The following GRB10 variants were observed in gnomAD, a reference collection of about 807,000 sequenced individuals.
The protein encoded by GRB10 is growth factor receptor bound protein 10, also known as growth factor receptor-bound protein 10.
A neutral mutation model predicts 80.9 loss-of-function variants in GRB10; 20 were observed. The ratio of observed to expected loss-of-function variants is 0.25; its 90% CI spans 0.17 to 0.36. The LOEUF is 0.36. GRB10 is among the 10% of genes least tolerant of loss of function. The pLI, the probability that GRB10 is intolerant of heterozygous loss-of-function variation, is 1.00. For missense variants in GRB10, 548 were observed against 747.7 expected (o/e 0.73, Z 3.12); for synonymous variants, 291 against 291.5 (o/e 1.00, Z 0.02).
At chr7:50,706,118 A>G (rs1352696327) in intron 4 of GRB10, among the ~76,000 whole-genome samples, 1 of 152,194 alleles carries the variant, frequency 6.6e-6, no homozygotes, top group Non-Finnish European at 1.5e-5. Flanking sequence ...GAGTAGATAG[A>G]AAATTAGCCT....
intron 5 of GRB10, among the ~76,000 whole-genome samples, chr7:50,701,087 ATTG>A (rs1446094976): frequency 4.0e-5 from 6 of 151,334 alleles, no homozygotes; most frequent in African/African-American, 1.5e-4. Flanking sequence ...ATGTTGTTTG[ATTG>A]TTGTTGTGTT....
chr7:50,716,258 T>C lies in GRB10; in HGVS notation c.52-12350A>G, dbSNP rs1014428676. On this transcript the variant is annotated intron_variant, in intron 4 of 18. Coordinates refer to ENST00000401949, the MANE Select transcript of GRB10 (RefSeq NM_001350814.2). ...GTCCTGCCTCAACAGTGGGGGCAAA[T>C]TAGCCCCAAACTAAAAGTGACTCTG... 3.3e-5 allele frequency among the ~76,000 whole-genome samples: 5 copies of C among 152,148 alleles called. 1 individual carries two copies. The South Asian group carries it at 8.3e-4, about 25-fold the overall frequency.
chr7:50,716,964 G>C (rs573621673), intron 4 of GRB10, among the ~76,000 whole-genome samples: 33 of 152,352 alleles, frequency 2.2e-4, no homozygotes, highest in Non-Finnish European at 3.4e-4. Context: ...TTTGGGGCCA[G>C]AGAAAATAAA....
chr7:50,655,861 G>A (rs1375257454), intron 7 of GRB10, among the ~76,000 whole-genome samples: 1 of 152,194 alleles, frequency 6.6e-6, no homozygotes, highest in African/African-American at 2.4e-5. Context: ...AACACTGTAT[G>A]CCTTCCAAGG....
intron 12 of GRB10, among the ~76,000 whole-genome samples, 179 bp from the exon 13 acceptor site, chr7:50,613,018 C>G (rs1039348349): frequency 6.6e-6 from 1 of 152,206 alleles, no homozygotes; most frequent in African/African-American, 2.4e-5. Context: ...ACCTTCCTGA[C>G]AAGACTTTAT....
chr7:50,652,188 A>T lies in GRB10; in HGVS notation c.504+17534T>A, dbSNP rs148077901. ...CAATATAAAACTAAATTAAAACAAGAACTCCATCTATAAAAGTAAGTGGAA... is the reference window on the plus strand; with the variant it reads ...CAATATAAAACTAAATTAAAACAAGTACTCCATCTATAAAAGTAAGTGGAA... On this transcript the variant is annotated intron_variant, in intron 7 of 18. Transcript: ENST00000401949. Among the ~76,000 whole-genome samples the T allele has an allele frequency of 1.0e-3, 155 of 152,358 alleles. 1 individual carries two copies. Among genetic ancestry groups the T allele is most frequent in the African/African-American group, 3.6e-3 (151 of 41,580 alleles).
At chr7:50,711,995 CA>C (rs2065963707) in intron 4 of GRB10, among the ~76,000 whole-genome samples, 1 of 151,972 alleles carries the variant, frequency 6.6e-6, no homozygotes, top group Non-Finnish European at 1.5e-5. Flanking sequence ...GGGGCTGAAT[CA>C]GAGAACATGT....
At chr7:50,659,950 C>G (rs1027968510) in intron 7 of GRB10, among the ~76,000 whole-genome samples, 1 of 152,250 alleles carries the variant, frequency 6.6e-6, no homozygotes, top group Admixed American at 6.5e-5. Context: ...ACTGAGAAGA[C>G]AGCTAGAAGC....
At chr7:50,632,605 A>G (rs773688597) in intron 7 of GRB10, among the ~76,000 whole-genome samples, 1 of 152,188 alleles carries the variant, frequency 6.6e-6, no homozygotes, top group African/African-American at 2.4e-5. Flanking sequence ...TTTCCGTTGC[A>G]GGGAGTCCTG....
chr7:50,716,796 C>T (rs1045975412), intron 4 of GRB10, among the ~76,000 whole-genome samples: 3 of 152,186 alleles, frequency 2.0e-5, no homozygotes, highest in Admixed American at 6.5e-5. Flanking sequence ...CAACGGCTGG[C>T]GTGGTCTGGA....
intron 7 of GRB10, among the ~76,000 whole-genome samples, chr7:50,643,294 A>C (rs1484564758): frequency 6.6e-6 from 1 of 152,170 alleles, no homozygotes; most frequent in Non-Finnish European, 1.5e-5. Context: ...ACAACACCCT[A>C]ATCAAGTCAT....
chr7:50,659,812 A>G (rs1478037800), intron 7 of GRB10, among the ~76,000 whole-genome samples: 2 of 152,224 alleles, frequency 1.3e-5, no homozygotes, highest in Admixed American at 6.5e-5. Flanking sequence ...GATCTGCTAC[A>G]TGTGTGGGTT....
intron 17 of GRB10, among the ~76,000 whole-genome samples, chr7:50,603,361 G>A (rs1439829912): frequency 6.6e-6 from 1 of 152,236 alleles, no homozygotes; most frequent in Non-Finnish European, 1.5e-5. Context: ...TGGCAAATGT[G>A]ATGGTACGAG....
At chr7:50,695,128 A>C (rs1203787590) in intron 5 of GRB10, among the ~76,000 whole-genome samples, 1 of 152,068 alleles carries the variant, frequency 6.6e-6, no homozygotes, top group Non-Finnish European at 1.5e-5. Context: ...CTGCCTACAC[A>C]CTGCCTCGTC....
chr7:50,652,339 G>C (rs994128399), intron 7 of GRB10, among the ~76,000 whole-genome samples: 2 of 152,168 alleles, frequency 1.3e-5, no homozygotes, highest in Non-Finnish European at 2.9e-5. Context: ...GGTTATGGCA[G>C]GGGCAAATCT....
chr7:50,690,680 G>A (rs1300552587), intron 5 of GRB10, among the ~76,000 whole-genome samples: 3 of 90,262 alleles, frequency 3.3e-5, no homozygotes, highest in Admixed American at 2.6e-4. Flanking sequence ...ATGAACGAAT[G>A]AACGAATGAA....
chr7:50,740,165 C>T (rs2071460565), intron 3 of GRB10, among the ~76,000 whole-genome samples: 1 of 152,222 alleles, frequency 6.6e-6, no homozygotes, highest in African/African-American at 2.4e-5. Context: ...TCTCCTCTCT[C>T]CCCCAGAACA....
intron 4 of GRB10, among the ~76,000 whole-genome samples, chr7:50,720,864 G>A (rs1169512181): frequency 6.6e-6 from 1 of 151,174 alleles, no homozygotes; most frequent in East Asian, 1.9e-4. Flanking sequence ...TCTCTGCCTG[G>A]CTGTCTAAAG....
chr7:50,792,463 G>A (rs2078967481), intron 1 of GRB10: 1 of 398,388 alleles, frequency 2.5e-6, no homozygotes, highest in Admixed American at 4.4e-5. Context: ...TAACGCACAT[G>A]CTCCAAGGCA....
Sources: gnomAD v4.1 joint callset for allele counts (sites outside exome capture counted in the v4.1 genomes callset) on GRCh38, gnomAD v4.1.1 for gene constraint, MANE v1.5 for transcripts, NCBI Gene and HGNC (gene_info 2026-07-23, HGNC 2026-07-21) for gene names.